The following CLN6 variants were observed in gnomAD, a reference collection of about 807,000 sequenced individuals.
CLN6 encodes CLN6 transmembrane ER protein, also known as ceroid-lipofuscinosis neuronal protein 6.
CLN6 carries 22 observed loss-of-function variants against 33.3 expected under a neutral mutation model. The observed-to-expected ratio is 0.66, with a 90% CI of 0.47 to 0.94. CLN6 has a LOEUF of 0.94. Ranked by LOEUF, CLN6 falls within the 40% of genes least tolerant of loss-of-function variation. The pLI is 0.00. For missense variants in CLN6, 387 were observed against 417.1 expected (o/e 0.93, Z 0.63); for synonymous variants, 201 against 174.6 (o/e 1.15, Z -1.19).
At chr15:68,249,326 T>C (rs1892355264) in intron 1 of CLN6, among the ~76,000 whole-genome samples, 2 of 152,234 alleles carry the variant, frequency 1.3e-5, no homozygotes, top group South Asian at 4.1e-4. Context: ...ACTGGGTATA[T>C]ATCCAAAAGA....
At chr15:68,229,032 C>A (rs1353052984) in intron 1 of CLN6, among the ~76,000 whole-genome samples, 1 of 152,188 alleles carries the variant, frequency 6.6e-6, no homozygotes, top group Non-Finnish European at 1.5e-5. Context: ...AAGCAGACAG[C>A]CTCCTGATAA....
In CLN6 at chr15:68,227,191, T is replaced by C. The variant is rs567603783; in HGVS notation, c.83+2311A>G. On this transcript the variant is annotated intron_variant, in intron 1 of 6. Transcript: ENST00000249806. The surrounding 1 kb of genome is among the most constrained non-coding windows in gnomAD (Gnocchi z 4.1). ...TAGCTGGGATTACAGGCATGGGCCATCACACCTGGATAATTTTTGTATTTT... is the reference window on the plus strand; with the variant it reads ...TAGCTGGGATTACAGGCATGGGCCACCACACCTGGATAATTTTTGTATTTT... 3.3e-5 allele frequency among the ~76,000 whole-genome samples: 5 copies of C among 152,160 alleles called. No individual in the cohort carries two copies. Among genetic ancestry groups the C allele is most frequent in the Admixed American group, 6.5e-5 (1 of 15,288 alleles).
In CLN6 at chr15:68,237,181, A is replaced by AAC. The variant is rs1270660262; in HGVS notation, c.180-18532_180-18531insGT. ...TCCGTCTCAAAAAAAAAAAAAAAAA[A>AAC]AAAAAAAACTGAATGGAGGCCAGGC... On this transcript the variant is annotated intron_variant, in intron 1 of 6. Coordinates refer to the CLN6 transcript ENST00000538696. Among the ~76,000 whole-genome samples, 938 of 149,408 alleles carry AAC rather than the reference A, an allele frequency of 6.3e-3. 16 individuals are homozygous for AAC. The highest frequency in any genetic ancestry group is 0.021 in the African/African-American group (860 of 40,074).
rs1332495424 is a variant in CLN6, at chr15:68,247,972, G to A, written c.179+8718C>T. ...GAACCTGGGAGGTGGAGGTTGCAGT[G>A]AGCTGAGATCGTGCCATTGCACTCC... On this transcript the variant is annotated intron_variant, in intron 1 of 6. Transcript: ENST00000538696. This position sits in a 1 kb window ranked among gnomAD's most constrained non-coding sequence, Gnocchi z 4.2. 6.7e-6 allele frequency among the ~76,000 whole-genome samples: 1 copy of A among 150,014 alleles called. No homozygotes were observed. Among genetic ancestry groups the A allele is most frequent in the African/African-American group, 2.5e-5 (1 of 40,376 alleles).
chr15:68,226,706 C>G (rs865969417), intron 1 of CLN6, among the ~76,000 whole-genome samples: 1 of 152,046 alleles, frequency 6.6e-6, no homozygotes, highest in African/African-American at 2.4e-5. Flanking sequence ...ACCTCCTGAT[C>G]CGCCCATCTC....
chr15:68,231,489 C>T (rs555609943), upstream of CLN6, among the ~76,000 whole-genome samples: 3 of 152,364 alleles, frequency 2.0e-5, no homozygotes, highest in Admixed American at 6.5e-5. Context: ...ACATCGATCT[C>T]GGTATACACC....
rs1385905012 is a variant in CLN6 at position 68,246,112 on chromosome 15, T to C, written c.179+10578A>G. Among the ~76,000 whole-genome samples the C allele has an allele frequency of 6.6e-6, 1 of 152,044 alleles. No homozygotes were observed. The highest frequency in any genetic ancestry group is 6.6e-5 in the Admixed American group (1 of 15,258). On this transcript the variant is annotated intron_variant, in intron 1 of 6. Transcript: ENST00000538696. This position sits in a 1 kb window ranked among gnomAD's most constrained non-coding sequence, Gnocchi z 4.5. The stretch of plus-strand genomic sequence containing the variant: ...AAGGCAGAGATAGACTGTAATACAA[T>C]ACAGTAGGGGACTTCAACACCCCAC...
chr15:68,253,618 G>GT (rs1353904860), intron 1 of CLN6, among the ~76,000 whole-genome samples: 1 of 152,160 alleles, frequency 6.6e-6, no homozygotes, highest in African/African-American at 2.4e-5. Flanking sequence ...TTAAAATTTA[G>GT]TAACAATCAA....
At chr15:68,218,169 A>G (rs6494722) in intron 2 of CLN6, 265,353 of 265,376 alleles carry the variant, frequency 1, 132,665 homozygotes, top group Non-Finnish European at 1. Flanking sequence ...GGGGAGACGG[A>G]GGTGGGGGTG....
At chr15:68,225,864 T>G (rs2093250224) in intron 1 of CLN6, among the ~76,000 whole-genome samples, 1 of 151,534 alleles carries the variant, frequency 6.6e-6, no homozygotes, top group African/African-American at 2.4e-5. Context: ...TCCCAGCTAC[T>G]CGGGAGGCTG....
chr15:68,249,897 C>T (rs539308263), intron 1 of CLN6, among the ~76,000 whole-genome samples: 4 of 152,220 alleles, frequency 2.6e-5, no homozygotes, highest in South Asian at 2.1e-4. Flanking sequence ...CTCAGCCTCC[C>T]GAGTAGCTGG....
At chr15:68,257,092 C>A (rs1161937382) in exon 1 of CLN6, 6 of 419,426 alleles carry the variant, frequency 1.4e-5, no homozygotes, top group Non-Finnish European at 2.1e-5. Flanking sequence ...AAGAGAGACA[C>A]CTGGCCTGAC....
In CLN6 at chr15:68,211,243, C is replaced by G. The variant is rs776617600; in HGVS notation, c.542+20G>C. The G allele has an allele frequency of 1.2e-6, 2 of 1,612,926 alleles. No individual in the cohort carries two copies. The highest frequency in any genetic ancestry group is 1.7e-6 in the Non-Finnish European group (2 of 1,179,022). On this transcript the variant is annotated intron_variant, in intron 5 of 6. Coordinates refer to ENST00000249806, the MANE Select transcript of CLN6 (RefSeq NM_017882.3). This position sits in a 1 kb window ranked among gnomAD's most constrained non-coding sequence, Gnocchi z 5.9. ...CGGTAGTTGGGGCCCCTGGGATAGA[C>G]AGATGGGCCCATCACTCACCACATG... is the stretch of plus-strand genomic sequence containing the variant.
chr15:68,254,069 T>TG (rs1386286942), intron 1 of CLN6, among the ~76,000 whole-genome samples: 2 of 150,390 alleles, frequency 1.3e-5, no homozygotes, highest in African/African-American at 4.9e-5. Flanking sequence ...TTAGTAGAGA[T>TG]GGGGTTTCAC....
rs1478054471 is a variant in CLN6, at chr15:68,246,726, CA to C, written c.179+9963del. ...TTAGAATGAAAGAAATAATAAATAT[CA>C]GAGCAGAAATAAATGAAATTAGGCT... is the stretch of plus-strand genomic sequence containing the variant. On this transcript the variant is annotated intron_variant, in intron 1 of 6. Coordinates refer to the CLN6 transcript ENST00000538696. This position sits in a 1 kb window ranked among gnomAD's most constrained non-coding sequence, Gnocchi z 4.5. Among the ~76,000 whole-genome samples, 4 of 151,834 alleles carry C rather than the reference CA, an allele frequency of 2.6e-5. No individual in the cohort carries two copies. Among genetic ancestry groups the C allele is most frequent in the Non-Finnish European group, 5.9e-5 (4 of 67,982 alleles).
Position 68,208,000 on chromosome 15 carries a change from G to A in CLN6, c.*140C>T, listed in dbSNP as rs1468137392. ...ACAAGACACACACACACACACACAC[G>A]AATCCACGCACACGAGGCACACCCC... On this transcript the variant is annotated 3_prime_UTR_variant, in exon 7 of 7. Coordinates refer to ENST00000249806, the MANE Select transcript of CLN6 (RefSeq NM_017882.3). 5.2e-5 allele frequency: 40 copies of A among 761,928 alleles called. No individual in the cohort carries two copies. The highest frequency in any genetic ancestry group is 7.3e-5 in the Non-Finnish European group (34 of 465,958). 47.2% of individuals were successfully genotyped at this position (761,928 alleles called of 1,614,324 possible).
chr15:68,222,386 G>A (rs1348605282), intron 1 of CLN6, among the ~76,000 whole-genome samples: 1 of 147,278 alleles, frequency 6.8e-6, no homozygotes, highest in Non-Finnish European at 1.5e-5. Context: ...TCTGGGAGGT[G>A]AGGAGCGTCT....
chr15:68,225,674 T>C (rs2093249666), intron 1 of CLN6, among the ~76,000 whole-genome samples: 1 of 152,188 alleles, frequency 6.6e-6, no homozygotes. Flanking sequence ...TTTTCCTTTT[T>C]TCTAAAAGGA....
intron 1 of CLN6, among the ~76,000 whole-genome samples, chr15:68,223,957 A>C (rs2093244920): frequency 6.6e-6 from 1 of 151,900 alleles, no homozygotes; most frequent in African/African-American, 2.4e-5. Flanking sequence ...GAGGCAGGAC[A>C]ATCACTTAAA....
Sources: allele counts gnomAD v4.1 joint callset (sites outside exome capture counted in the v4.1 genomes callset), GRCh38; gene constraint gnomAD v4.1.1; non-coding constraint Gnocchi (gnomAD v3.1); transcripts MANE v1.5; gene names NCBI Gene and HGNC (gene_info 2026-07-23, HGNC 2026-07-21).